The following DOCK3 variants were observed in gnomAD, a reference collection of about 807,000 sequenced individuals.
DOCK3 encodes dedicator of cytokinesis protein 3.
Under a neutral mutation model 265.6 loss-of-function variants are expected in DOCK3, and 60 were observed. The ratio of observed to expected loss-of-function variants is 0.23; its 90% confidence interval spans 0.18 to 0.28. DOCK3 has a LOEUF of 0.28. Ranked by LOEUF, DOCK3 falls within the 10% of genes least tolerant of loss-of-function variation. DOCK3 has a pLI of 1.00. For missense variants in DOCK3, 1,981 were observed against 2,594.3 expected (o/e 0.76, Z 5.14); for synonymous variants, 881 against 938.0 (o/e 0.94, Z 1.11).
chr3:51,283,982 G>A lies in DOCK3; in HGVS notation c.2922+3778G>A, dbSNP rs1576649277. The stretch of plus-strand genomic sequence containing the variant: ...GTGGTCTGGCTTCTTGAGTTAAAGG[G>A]ACTTTACACACTTACATTCGTGAGT... On this transcript the variant is annotated intron_variant, in intron 27 of 52. Coordinates refer to ENST00000266037, the MANE Select transcript of DOCK3 (RefSeq NM_004947.5). Among the ~76,000 whole-genome samples, 3 of 151,720 alleles carry A rather than the reference G, an allele frequency of 2.0e-5. No individual in the cohort carries two copies. In the East Asian group the frequency reaches 5.9e-4, roughly 30 times the overall value.
chr3:51,120,807 T>A (rs2083978683), intron 9 of DOCK3, among the ~76,000 whole-genome samples: 1 of 152,054 alleles, frequency 6.6e-6, no homozygotes. Flanking sequence ...ATGGTGGATA[T>A]CCCTCCTGCC....
chr3:51,333,544 G>C (rs1270110949), intron 35 of DOCK3, among the ~76,000 whole-genome samples: 1 of 152,150 alleles, frequency 6.6e-6, no homozygotes, highest in African/African-American at 2.4e-5. Flanking sequence ...AAGGGTCAAG[G>C]CTCAGAGGAA....
intron 2 of DOCK3, among the ~76,000 whole-genome samples, chr3:50,782,613 T>A (rs557138435): frequency 4.1e-5 from 6 of 148,010 alleles, no homozygotes; most frequent in East Asian, 4.1e-4. Context: ...GTGTAGCTTT[T>A]AAAAAAAATT....
chr3:51,027,973 C>A (rs542829135), intron 5 of DOCK3, among the ~76,000 whole-genome samples: 2 of 152,018 alleles, frequency 1.3e-5, no homozygotes, highest in African/African-American at 4.8e-5. Flanking sequence ...TTGTTTCTGT[C>A]ATAGTGTTGT....
At chr3:51,347,925 A>G (rs1402445945) in intron 38 of DOCK3, among the ~76,000 whole-genome samples, 4 of 152,132 alleles carry the variant, frequency 2.6e-5, no homozygotes, top group Non-Finnish European at 4.4e-5. Context: ...TTCACTCACA[A>G]TTTGGCTCTC....
intron 3 of DOCK3, chr3:50,877,611 C>T (rs1447542410): frequency 4.0e-6 from 2 of 503,378 alleles, no homozygotes; most frequent in Non-Finnish European, 8.0e-6. Flanking sequence ...CAGTGGCTTT[C>T]TGTAGTGCAC....
At chr3:51,263,807 A>T (rs2080001090) in intron 23 of DOCK3, among the ~76,000 whole-genome samples, 1 of 152,226 alleles carries the variant, frequency 6.6e-6, no homozygotes, top group Admixed American at 6.5e-5. Context: ...ACCAACAAAG[A>T]TCATAAAAGT....
intron 7 of DOCK3, among the ~76,000 whole-genome samples, chr3:51,083,925 A>C (rs573358119): frequency 1.3e-5 from 2 of 152,326 alleles, no homozygotes; most frequent in African/African-American, 4.8e-5. Flanking sequence ...CGAAGGTTGC[A>C]GTGAGCCAAG....
intron 4 of DOCK3, among the ~76,000 whole-genome samples, chr3:50,932,812 T>C (rs996134389): frequency 9.2e-5 from 14 of 152,228 alleles, no homozygotes; most frequent in African/African-American, 3.4e-4. Context: ...GAAGAGTTCA[T>C]TGATCTGCTC....
chr3:50,691,467 G>C (rs1354561052), intron 1 of DOCK3, among the ~76,000 whole-genome samples: 1 of 152,110 alleles, frequency 6.6e-6, no homozygotes, highest in Non-Finnish European at 1.5e-5. Context: ...TTCTTCTGCT[G>C]ATGGACACTT....
intron 2 of DOCK3, among the ~76,000 whole-genome samples, chr3:50,808,784 T>G (rs1259594204): frequency 6.6e-6 from 1 of 152,234 alleles, no homozygotes; most frequent in African/African-American, 2.4e-5. Flanking sequence ...TATCATCCAC[T>G]GATGTATGAG....
chr3:50,679,041 C>T (rs2034195282), intron 1 of DOCK3, among the ~76,000 whole-genome samples: 1 of 152,218 alleles, frequency 6.6e-6, no homozygotes, highest in Non-Finnish European at 1.5e-5. Flanking sequence ...CCTCAATCTC[C>T]TGACCTTGTG....
chr3:51,135,504 A>C (rs1016663129), intron 9 of DOCK3, among the ~76,000 whole-genome samples: 2 of 152,188 alleles, frequency 1.3e-5, no homozygotes, highest in African/African-American at 4.8e-5. Context: ...TGAAGTCCTT[A>C]AAATTATAGA....
chr3:51,230,619 C>A (rs753766195), intron 19 of DOCK3, among the ~76,000 whole-genome samples: 1 of 151,908 alleles, frequency 6.6e-6, no homozygotes, highest in East Asian at 1.9e-4. Context: ...CCGGTTCAAG[C>A]GATTCTCCTG....
intron 1 of DOCK3, among the ~76,000 whole-genome samples, chr3:50,756,350 C>A (rs1300802429): frequency 6.6e-6 from 1 of 152,150 alleles, no homozygotes. Flanking sequence ...TGATTACCAT[C>A]TCCAGGTGTT....
intron 2 of DOCK3, among the ~76,000 whole-genome samples, chr3:50,801,432 G>A (rs998018585): frequency 1.3e-5 from 2 of 152,050 alleles, no homozygotes; most frequent in African/African-American, 4.8e-5. Flanking sequence ...AGTCAGGGTG[G>A]AGCAGGTAAT....
At chr3:50,749,194 C>G (rs2039636555) in intron 1 of DOCK3, among the ~76,000 whole-genome samples, 1 of 152,144 alleles carries the variant, frequency 6.6e-6, no homozygotes, top group Non-Finnish European at 1.5e-5. Context: ...ACTTGTCTTT[C>G]TTTGTTTCAA....
chr3:51,078,767 C>T (rs1014313450), intron 7 of DOCK3, among the ~76,000 whole-genome samples: 1 of 152,134 alleles, frequency 6.6e-6, no homozygotes, highest in African/African-American at 2.4e-5. Context: ...TAACAATGCT[C>T]TTTAACTCCT....
At chr3:50,799,024 T>C (rs1336099247) in intron 2 of DOCK3, among the ~76,000 whole-genome samples, 2 of 152,226 alleles carry the variant, frequency 1.3e-5, no homozygotes, top group East Asian at 1.9e-4. Flanking sequence ...CAAAAACTAA[T>C]TGGCTATAGA....
Sources: allele counts gnomAD v4.1 joint callset (sites outside exome capture counted in the v4.1 genomes callset), GRCh38; gene constraint gnomAD v4.1.1; transcripts MANE v1.5; gene names NCBI Gene and HGNC (gene_info 2026-07-23, HGNC 2026-07-21).